LHFPL2: variants seen among roughly 807,000 people sequenced by gnomAD.
LHFPL2 encodes LHFPL tetraspan subfamily member 2 protein.
A neutral mutation model predicts 17.5 loss-of-function variants in LHFPL2; 7 were observed. That is an observed-to-expected ratio of 0.40 (90% CI 0.23 to 0.75). The LOEUF is 0.75. Among genes scored for constraint, LHFPL2 ranks in the 30% least tolerant of loss-of-function variants. The pLI, the probability that LHFPL2 is intolerant of heterozygous loss-of-function variation, is 0.37. For synonymous variants in LHFPL2, 134 were observed against 116.2 expected, an observed-to-expected ratio of 1.15 and a Z score of -0.99; for missense variants, 241 against 294.8, an observed-to-expected ratio of 0.82 and a Z score of 1.34.
intron 2 of LHFPL2, among the ~76,000 whole-genome samples, chr5:78,604,370 G>A (rs1384346132): frequency 3.3e-5 from 5 of 152,090 alleles, no homozygotes; most frequent in East Asian, 3.9e-4. Context: ...CCAGCTACTC[G>A]GGAGGCTGAG....
chr5:78,580,640 A>C (rs1363122190), intron 2 of LHFPL2, among the ~76,000 whole-genome samples: 2 of 151,948 alleles, frequency 1.3e-5, no homozygotes, highest in Non-Finnish European at 2.9e-5. Context: ...AGGTTTGTCA[A>C]AGATCAGATA....
At position 78,543,429 on chromosome 5, in the gene LHFPL2, G is replaced by A. The variant is rs1580792463; in HGVS notation, c.-186+21384C>T. On this transcript the variant is annotated intron_variant, in intron 3 of 4. Coordinates refer to ENST00000380345, the MANE Select transcript of LHFPL2 (RefSeq NM_005779.3). ...CTGCTTCAGTGGGAATCTCCCTGGG[G>A]CTCTGTCCCTACAAGCAGGGGCACA... Among the ~76,000 whole-genome samples the A allele has an allele frequency of 2.0e-5, 3 of 152,242 alleles. No individual in the cohort carries two copies. The South Asian group carries it at 6.2e-4, about 32-fold the overall frequency.
At chr5:78,558,899 T>C (rs1756653045) in intron 3 of LHFPL2, among the ~76,000 whole-genome samples, 1 of 152,150 alleles carries the variant, frequency 6.6e-6, no homozygotes, top group South Asian at 2.1e-4. Context: ...AGCCACAACA[T>C]AAGAATTCTC....
intron 4 of LHFPL2, among the ~76,000 whole-genome samples, chr5:78,505,985 G>A (rs1254227945): frequency 6.6e-6 from 1 of 152,256 alleles, no homozygotes; most frequent in Non-Finnish European, 1.5e-5. Flanking sequence ...CCTCATTACT[G>A]AGTGAGTGCT....
chr5:78,646,423 C>T (rs760225470), intron 1 of LHFPL2, among the ~76,000 whole-genome samples: 2 of 152,194 alleles, frequency 1.3e-5, no homozygotes, highest in Non-Finnish European at 2.9e-5. Flanking sequence ...CGTGAGGAAC[C>T]ATCCTAAGTC....
At position 78,510,042 on chromosome 5, in the gene LHFPL2, G is replaced by A; in HGVS notation, c.172C>T (p.His58Tyr). 6.2e-7 allele frequency: 1 copy of A among 1,610,672 alleles called. No individual in the cohort carries two copies. Among genetic ancestry groups the A allele is most frequent in the African/African-American group, 1.3e-5 (1 of 75,008 alleles). ...GPGGGSPEPY[H>Y]PTLGIYARCI... ...CGGGCGTAGATGCCCAGGGTGGGGTGGTAGGGCTCCGGGGAGCCCCCGCCC... is the reference window on the plus strand; with the variant it reads ...CGGGCGTAGATGCCCAGGGTGGGGTAGTAGGGCTCCGGGGAGCCCCCGCCC... The change falls in exon 4 of 5, where the codon CAC becomes TAC. Residue 58 changes from histidine (H) to tyrosine (Y), a missense_variant. His to Tyr is a moderately conservative substitution (Grantham distance 83). Coordinates refer to ENST00000380345, the MANE Select transcript of LHFPL2 (RefSeq NM_005779.3).
chr5:78,522,450 A>C (rs908433828), intron 3 of LHFPL2, among the ~76,000 whole-genome samples: 4 of 152,166 alleles, frequency 2.6e-5, no homozygotes, highest in Non-Finnish European at 5.9e-5. Flanking sequence ...AATAAAAAAA[A>C]AATTTTAAAA....
intron 2 of LHFPL2, among the ~76,000 whole-genome samples, chr5:78,618,410 G>A (rs1257003330): frequency 1.3e-5 from 2 of 152,260 alleles, no homozygotes; most frequent in Middle Eastern, 3.4e-3. Context: ...TGTGGCAATG[G>A]CAGAGGTCGG....
At chr5:78,613,056 T>C (rs111861907) in intron 2 of LHFPL2, among the ~76,000 whole-genome samples, 17 of 152,266 alleles carry the variant, frequency 1.1e-4, no homozygotes, top group African/African-American at 3.8e-4. Flanking sequence ...ACACAGAAGC[T>C]AGTGCAAAGA....
chr5:78,575,372 C>T (rs1262627592), intron 2 of LHFPL2, among the ~76,000 whole-genome samples: 1 of 152,040 alleles, frequency 6.6e-6, no homozygotes. Flanking sequence ...TATGGTGAAA[C>T]CCCGTCTCTA....
intron 2 of LHFPL2, among the ~76,000 whole-genome samples, chr5:78,591,027 TAA>T (rs56094596): frequency 0.17 from 26,132 of 152,164 alleles, 2,897 homozygotes; most frequent in Admixed American, 0.25. Context: ...TTTTTTGCCA[TAA>T]AAAGTTAGCC....
intron 3 of LHFPL2, among the ~76,000 whole-genome samples, chr5:78,515,793 C>A (rs978029680): frequency 6.6e-6 from 1 of 152,096 alleles, no homozygotes. Flanking sequence ...TGTGAGGCAG[C>A]GTGGAAAAGG....
intron 3 of LHFPL2, among the ~76,000 whole-genome samples, chr5:78,558,228 G>A (rs1274680890): frequency 1.3e-5 from 2 of 152,074 alleles, no homozygotes; most frequent in African/African-American, 4.8e-5. Flanking sequence ...ATGTTAACAA[G>A]CTTCATATAA....
intron 2 of LHFPL2, among the ~76,000 whole-genome samples, chr5:78,578,856 G>T (rs988272299): frequency 1.5e-4 from 23 of 152,238 alleles, no homozygotes; most frequent in African/African-American, 5.5e-4. Context: ...TACCTGTCTT[G>T]TAACAAAGTA....
At chr5:78,521,733 C>G (rs1195225022) in intron 3 of LHFPL2, among the ~76,000 whole-genome samples, 2 of 152,214 alleles carry the variant, frequency 1.3e-5, no homozygotes, top group Non-Finnish European at 2.9e-5. Flanking sequence ...AAAGCTATGT[C>G]AACAACAAGA....
chr5:78,490,862 T>C (rs928730305), intron 4 of LHFPL2, among the ~76,000 whole-genome samples: 3 of 152,096 alleles, frequency 2.0e-5, no homozygotes, highest in Non-Finnish European at 4.4e-5. Context: ...AAGTTCCCAC[T>C]TTTTAGATAC....
intron 4 of LHFPL2, among the ~76,000 whole-genome samples, chr5:78,493,499 G>C (rs1381353996): frequency 6.6e-6 from 1 of 152,214 alleles, no homozygotes; most frequent in South Asian, 2.1e-4. Flanking sequence ...TGAGGGCAGG[G>C]ATTTTTGTGT....
intron 3 of LHFPL2, among the ~76,000 whole-genome samples, chr5:78,511,452 T>G (rs1014612269): frequency 3.9e-5 from 6 of 152,204 alleles, no homozygotes; most frequent in African/African-American, 1.4e-4. Context: ...CAGGGCTGGT[T>G]TGCAGCCCCA....
At chr5:78,492,112 G>T (rs1754466279) in intron 4 of LHFPL2, among the ~76,000 whole-genome samples, 2 of 152,106 alleles carry the variant, frequency 1.3e-5, no homozygotes, top group South Asian at 4.1e-4. Context: ...CAGGTCCTAA[G>T]GTGCCACTCT....
Sources: gnomAD v4.1 joint callset for allele counts (sites outside exome capture counted in the v4.1 genomes callset) on GRCh38, gnomAD v4.1.1 for gene constraint, MANE v1.5 for transcripts, NCBI Gene and HGNC (gene_info 2026-07-23, HGNC 2026-07-21) for gene names.